Variants in CD300A observed in about 807,000 individuals in gnomAD.
The protein encoded by CD300A is CD300a molecule, also known as CMRF35-like molecule 8.
A neutral mutation model predicts 33.6 loss-of-function variants in CD300A; 22 were observed. The observed-to-expected ratio is 0.66, with a 90% confidence interval of 0.47 to 0.94. CD300A has a LOEUF of 0.94. CD300A is among the 40% of genes least tolerant of loss of function. The pLI is 0.00. For synonymous variants in CD300A, 136 were observed against 148.1 expected, an observed-to-expected ratio of 0.92 and a Z score of 0.59; for missense variants, 326 against 360.5, an observed-to-expected ratio of 0.90 and a Z score of 0.77.
chr17:74,470,366 CAGAGA>C (rs1482984338), intron 1 of CD300A: 1 of 428,138 alleles, frequency 2.3e-6, no homozygotes, highest in Non-Finnish European at 3.1e-6. Flanking sequence ...TCCAAGATTT[CAGAGA>C]AGAGAAGTTA....
Position 74,466,858 on chromosome 17 carries a change from G to C in CD300A, c.40+115G>C. ...GAGTCTGGACTCCGTGCAGAACGCA[G>C]AATGCGGTGCGCTCTGTCTACCACA... On this transcript the variant is annotated intron_variant, in intron 1 of 6. Transcript: ENST00000360141. The C allele has an allele frequency of 2.6e-6, 4 of 1,537,198 alleles. No individual in the cohort carries two copies. The South Asian group carries it at 3.6e-5, about 14-fold the overall frequency.
At chr17:74,466,577 A>T, upstream of CD300A, 1 of 1,100,244 alleles carries the variant, frequency 9.1e-7, no homozygotes, top group Non-Finnish European at 1.3e-6. Context: ...AACCAAAAGA[A>T]GCTGAACAAG....
chr17:74,479,229 A>G (rs1026053758), intron 4 of CD300A, among the ~76,000 whole-genome samples: 2 of 151,516 alleles, frequency 1.3e-5, no homozygotes, highest in East Asian at 1.9e-4. Context: ...AAATGCATCT[A>G]TGATTTCTTT....
chr17:74,475,581 C>T (rs1906407792), intron 3 of CD300A, among the ~76,000 whole-genome samples: 1 of 152,164 alleles, frequency 6.6e-6, no homozygotes, highest in Admixed American at 6.5e-5. Context: ...GGACACTCTC[C>T]CCAGAAAAAC....
intron 1 of CD300A, among the ~76,000 whole-genome samples, chr17:74,468,385 T>G (rs1030177285): frequency 3.9e-5 from 6 of 151,944 alleles, no homozygotes; most frequent in Non-Finnish European, 8.8e-5. Context: ...CAAACTGGAG[T>G]GCGGTGGTGC....
chr17:74,470,182 G>C (rs889272426), intron 1 of CD300A: 1 of 985,450 alleles, frequency 1.0e-6, no homozygotes, highest in Admixed American at 6.1e-5. Flanking sequence ...ATTCAGGTTG[G>C]AAGAGAGAAA....
In CD300A at chr17:74,484,001, GC is replaced by G. The variant is rs779566663; in HGVS notation, c.777del (p.Ser260ProfsTer20). 6.2e-7 allele frequency: 1 copy of G among 1,613,610 alleles called. No individual in the cohort carries two copies. Among genetic ancestry groups the G allele is most frequent in the East Asian group, 2.2e-5 (1 of 44,868 alleles). On this transcript the variant is annotated frameshift_variant and splice_region_variant, in exon 7 of 7. Transcript: ENST00000360141. LOFTEE classifies it low-confidence loss of function (END_TRUNC). ...TCAGTTTCTTGGTTTCTCTCTGCAG[GC>G]CTCCCCCAGGGAAGAACTTCACTAT... ...REVEVEYSTV[A>X]SPREELHYAS...
intron 4 of CD300A, among the ~76,000 whole-genome samples, chr17:74,479,114 A>G (rs986479314): frequency 2.6e-5 from 4 of 152,224 alleles, no homozygotes; most frequent in Non-Finnish European, 5.9e-5. Flanking sequence ...AAAGAAGGAA[A>G]TAAATCCCCC....
upstream of CD300A, chr17:74,466,467 C>G: frequency 5.1e-6 from 3 of 587,224 alleles, no homozygotes; most frequent in South Asian, 6.2e-5. Flanking sequence ...AGCCGAAGAA[C>G]CTGCAGCCTC....
intron 6 of CD300A, among the ~76,000 whole-genome samples, chr17:74,482,530 C>T (rs919699673): frequency 2.6e-5 from 4 of 151,378 alleles, no homozygotes; most frequent in African/African-American, 9.8e-5. Context: ...CCCAGGCCGC[C>T]GTTTTGCACC....
intron 3 of CD300A, among the ~76,000 whole-genome samples, chr17:74,475,535 C>T (rs200658188): frequency 1.2e-4 from 19 of 152,266 alleles, no homozygotes; most frequent in African/African-American, 3.9e-4. Context: ...TAACCTTTTT[C>T]GGGTTCACCA....
At chr17:74,476,683 A>G (rs762898539) in intron 3 of CD300A, among the ~76,000 whole-genome samples, 1 of 152,230 alleles carries the variant, frequency 6.6e-6, no homozygotes, top group African/African-American at 2.4e-5. Context: ...AAGGCGATTT[A>G]TAAGCAACGT....
intron 2 of CD300A, among the ~76,000 whole-genome samples, chr17:74,474,162 G>C (rs1180866390): frequency 7.0e-6 from 1 of 141,864 alleles, no homozygotes; most frequent in Non-Finnish European, 1.5e-5. Flanking sequence ...AGCTGAGTGG[G>C]GGAGGGGTGG....
intron 1 of CD300A, among the ~76,000 whole-genome samples, chr17:74,468,204 T>C (rs1905858589): frequency 6.6e-6 from 1 of 151,900 alleles, no homozygotes. Context: ...CTGGTTAATT[T>C]TGTATTTTTA....
At chr17:74,469,963 G>C in intron 1 of CD300A, 1 of 985,390 alleles carries the variant, frequency 1.0e-6, no homozygotes, top group Non-Finnish European at 1.2e-6. Context: ...AAGATGACCT[G>C]GTTCTTTCTG....
At chr17:74,481,557 G>A (rs1906848378) in intron 5 of CD300A, 169 bp from the exon 6 acceptor site, 1 of 660,464 alleles carries the variant, frequency 1.5e-6, no homozygotes, top group African/African-American at 1.8e-5. Context: ...TCCCAGCCAA[G>A]CTGACCTGGG....
At chr17:74,468,706 G>C (rs1905893066) in intron 1 of CD300A, among the ~76,000 whole-genome samples, 1 of 151,920 alleles carries the variant, frequency 6.6e-6, no homozygotes, top group Admixed American at 6.6e-5. Context: ...CCCAGGGCTG[G>C]AGTGCAGTGG....
rs1009152235 is a variant in CD300A at position 74,480,753 on chromosome 17, T to G, written c.629-536T>G. On this transcript the variant is annotated intron_variant, in intron 4 of 6. Coordinates refer to ENST00000360141, the MANE Select transcript of CD300A (RefSeq NM_007261.4). This position sits in a 1 kb window ranked among gnomAD's most constrained non-coding sequence, Gnocchi z 4.2. ...AGCTTTCTTTCCTTTCTTTCTTTCT[T>G]TTTTTCGTTTTTGAGACAGAGTCTT... Among the ~76,000 whole-genome samples the G allele has an allele frequency of 3.9e-5, 6 of 152,132 alleles. No homozygotes were observed. Among genetic ancestry groups the G allele is most frequent in the African/African-American group, 1.4e-4 (6 of 41,430 alleles).
intron 1 of CD300A, among the ~76,000 whole-genome samples, chr17:74,467,334 C>T (rs998281428): frequency 1.3e-5 from 2 of 152,188 alleles, no homozygotes; most frequent in East Asian, 3.9e-4. Context: ...GGGGAAGTCC[C>T]GAGGCAGCCT....
Sources: allele counts gnomAD v4.1 joint callset (sites outside exome capture counted in the v4.1 genomes callset), GRCh38; gene constraint gnomAD v4.1.1; non-coding constraint Gnocchi (gnomAD v3.1); transcripts MANE v1.5; gene names NCBI Gene and HGNC (gene_info 2026-07-23, HGNC 2026-07-21).